The following ARL15 variants were observed in gnomAD, a reference collection of about 807,000 sequenced individuals.
ARL15 encodes ADP-ribosylation factor-like protein 15.
ARL15 carries 19 observed loss-of-function variants against 25.2 expected under a neutral mutation model. The observed-to-expected ratio is 0.75, with a 90% CI of 0.53 to 1.10. The LOEUF (loss-of-function observed/expected upper bound fraction) is 1.10. Among genes scored for constraint, ARL15 ranks in the 50% least tolerant of loss-of-function variants. ARL15 has a pLI of 0.00. For synonymous variants in ARL15, 94 were observed against 86.8 expected (o/e 1.08, Z -0.46); for missense variants, 220 against 246.0 (o/e 0.89, Z 0.71).
At chr5:54,269,668 C>T (rs552933534) in intron 1 of ARL15, among the ~76,000 whole-genome samples, 6 of 152,152 alleles carry the variant, frequency 3.9e-5, no homozygotes, top group East Asian at 1.9e-4. Context: ...TTTTTTGAGA[C>T]GGTGTCTCGC....
At chr5:53,917,028 T>A (rs1745674059) in intron 4 of ARL15, among the ~76,000 whole-genome samples, 1 of 152,140 alleles carries the variant, frequency 6.6e-6, no homozygotes, top group Non-Finnish European at 1.5e-5. Flanking sequence ...AAGACAACAG[T>A]TTTCATTTTC....
chr5:54,122,579 A>T (rs1561232207), intron 3 of ARL15, among the ~76,000 whole-genome samples: 1 of 152,210 alleles, frequency 6.6e-6, no homozygotes, highest in African/African-American at 2.4e-5. Context: ...GATAACCAAA[A>T]ATTGGTACTA....
intron 4 of ARL15, among the ~76,000 whole-genome samples, chr5:54,068,153 G>A (rs3776689): frequency 0.27 from 40,916 of 152,050 alleles, 7,027 homozygotes; most frequent in African/African-American, 0.49. Context: ...TTTGAACTGA[G>A]GATGGCTCAC....
intron 1 of ARL15, among the ~76,000 whole-genome samples, chr5:54,185,798 T>C (rs1755219794): frequency 6.6e-6 from 1 of 152,356 alleles, no homozygotes; most frequent in South Asian, 2.1e-4. Flanking sequence ...GTTACAATAG[T>C]GTTTTCCCAA....
At chr5:53,907,478 ATATATATATATTTTTTTTTT>A (rs1371805914) in intron 4 of ARL15, among the ~76,000 whole-genome samples, 2 of 26,492 alleles carry the variant, frequency 7.5e-5, no homozygotes, top group Non-Finnish European at 1.4e-4. Context: ...ATATATATAT[ATATATATATATTTTTTTTTT>A]TTTTTTTTTT....
chr5:53,895,307 C>T (rs367750763), intron 4 of ARL15, among the ~76,000 whole-genome samples: 73 of 152,292 alleles, frequency 4.8e-4, no homozygotes, highest in Non-Finnish European at 7.9e-4. Context: ...GCTCCAGTTA[C>T]GACTTCGGAT....
chr5:54,126,778 T>G (rs1209698309), intron 3 of ARL15, among the ~76,000 whole-genome samples: 1 of 152,226 alleles, frequency 6.6e-6, no homozygotes, highest in Non-Finnish European at 1.5e-5. Context: ...CCTTCGAACT[T>G]CCCAGCCTCC....
At chr5:54,196,264 T>A (rs1268224314) in intron 1 of ARL15, among the ~76,000 whole-genome samples, 2 of 152,108 alleles carry the variant, frequency 1.3e-5, no homozygotes, top group Non-Finnish European at 2.9e-5. Context: ...ATCAAAAAGA[T>A]CACAGGATTG....
chr5:54,230,033 G>A (rs543453904), intron 1 of ARL15, among the ~76,000 whole-genome samples: 27 of 152,252 alleles, frequency 1.8e-4, no homozygotes, highest in Non-Finnish European at 2.8e-4. Context: ...AAACTCCATT[G>A]TTTAAAATTA....
intron 3 of ARL15, among the ~76,000 whole-genome samples, chr5:54,145,006 G>C (rs922931700): frequency 2.0e-5 from 3 of 151,968 alleles, no homozygotes; most frequent in African/African-American, 7.3e-5. Flanking sequence ...CTTTAGCTTT[G>C]TCTTGCTTTC....
At chr5:53,887,944 A>G (rs1400217688) in intron 4 of ARL15, among the ~76,000 whole-genome samples, 1 of 151,606 alleles carries the variant, frequency 6.6e-6, no homozygotes, top group Non-Finnish European at 1.5e-5. Context: ...CATATAAGCC[A>G]GAAGACATAT....
chr5:54,204,270 A>T (rs1755802299), intron 1 of ARL15, among the ~76,000 whole-genome samples: 1 of 152,204 alleles, frequency 6.6e-6, no homozygotes, highest in South Asian at 2.1e-4. Context: ...ATGATGAAAA[A>T]CAAATCACAT....
At chr5:54,050,346 A>G (rs937707138) in intron 4 of ARL15, among the ~76,000 whole-genome samples, 3 of 152,212 alleles carry the variant, frequency 2.0e-5, no homozygotes, top group Non-Finnish European at 2.9e-5. Context: ...TGCTGAGCCA[A>G]TCACCCCATT....
rs541199115 is a variant in ARL15, at chr5:54,019,903, T to C, written c.462+93299A>G. ...ATATCTACAAAAGCATTAAACTCTT[T>C]CATCTACAGCACACTTTGCAATTAT... On this transcript the variant is annotated intron_variant, in intron 4 of 4. Coordinates refer to ENST00000504924, the MANE Select transcript of ARL15 (RefSeq NM_019087.3). Among the ~76,000 whole-genome samples, 4 of 152,338 alleles carry C rather than the reference T, an allele frequency of 2.6e-5. No homozygotes were observed. In the East Asian group the frequency reaches 7.7e-4, roughly 29 times the overall value.
At chr5:54,024,989 A>G (rs1362245777) in intron 4 of ARL15, among the ~76,000 whole-genome samples, 1 of 152,168 alleles carries the variant, frequency 6.6e-6, no homozygotes, top group Non-Finnish European at 1.5e-5. Context: ...TTATATGTCT[A>G]TTTGTAGTAT....
chr5:54,021,431 T>A (rs1749596730), intron 4 of ARL15, among the ~76,000 whole-genome samples: 1 of 152,158 alleles, frequency 6.6e-6, no homozygotes. Context: ...GTAGAAGATG[T>A]AAAGGATCAA....
rs1198516955 is a variant in ARL15 at position 53,918,412 on chromosome 5, C to T, written c.463-31699G>A. Among the ~76,000 whole-genome samples, 8 of 152,166 alleles carry T rather than the reference C, an allele frequency of 5.3e-5. No homozygotes were observed. In the South Asian group the frequency reaches 8.3e-4, roughly 16 times the overall value. On this transcript the variant is annotated intron_variant, in intron 4 of 4. Coordinates refer to ENST00000504924, the MANE Select transcript of ARL15 (RefSeq NM_019087.3). ...CTCACTATGTTGCCCAAGCTGGTCA[C>T]GTACTCCTGGGCTTAAGTGATCCTC...
At chr5:54,097,209 C>T (rs1158347881) in intron 4 of ARL15, among the ~76,000 whole-genome samples, 2 of 152,050 alleles carry the variant, frequency 1.3e-5, no homozygotes, top group Admixed American at 6.6e-5. Context: ...CCCAGCTACT[C>T]GGGAGGCTGA....
Position 54,277,203 on chromosome 5 carries a change from A to G in ARL15, c.48+33229T>C, listed in dbSNP as rs552791519. On this transcript the variant is annotated intron_variant, in intron 1 of 4. Transcript: ENST00000504924. The stretch of plus-strand genomic sequence containing the variant: ...TACTAATATTATCAGTAGTAATACC[A>G]ATAGTAACATACAATTGTTTTGCCT... Among the ~76,000 whole-genome samples the G allele has an allele frequency of 9.2e-5, 14 of 152,224 alleles. No homozygotes were observed. In the South Asian group the frequency reaches 2.5e-3, roughly 27 times the overall value.
Sources: gnomAD v4.1 joint callset for allele counts (sites outside exome capture counted in the v4.1 genomes callset) on GRCh38, gnomAD v4.1.1 for gene constraint, MANE v1.5 for transcripts, NCBI Gene and HGNC (gene_info 2026-07-23, HGNC 2026-07-21) for gene names.